The following TTBK2 variants were observed in gnomAD, a reference collection of about 807,000 sequenced individuals.
TTBK2 encodes tau-tubulin kinase 2.
Under a neutral mutation model 110.8 loss-of-function variants are expected in TTBK2, and 28 were observed. The observed-to-expected ratio is 0.25, with a 90% CI of 0.19 to 0.35. The LOEUF (loss-of-function observed/expected upper bound fraction) is 0.35, where lower values mean the gene tolerates loss of function less well. Ranked by LOEUF, TTBK2 falls within the 10% of genes least tolerant of loss-of-function variation. TTBK2 has a pLI of 1.00. For synonymous variants in TTBK2, 532 were observed against 527.3 expected (o/e 1.01, Z -0.12); for missense variants, 1,369 against 1,500.3 (o/e 0.91, Z 1.45).
At chr15:42,857,678 T>C (rs1595990626) in intron 3 of TTBK2, among the ~76,000 whole-genome samples, 1 of 152,116 alleles carries the variant, frequency 6.6e-6, no homozygotes, top group South Asian at 2.1e-4. Context: ...CCCTCAAATT[T>C]CCCTAATGCT....
chr15:42,806,625 T>G lies in TTBK2; in HGVS notation c.822+3989A>C, dbSNP rs192895389. Among the ~76,000 whole-genome samples the G allele has an allele frequency of 2.0e-4, 31 of 152,302 alleles. 1 individual carries two copies. On this transcript the variant is annotated intron_variant, in intron 9 of 14. Coordinates refer to ENST00000267890, the MANE Select transcript of TTBK2 (RefSeq NM_173500.4). ...CAGTCCTTTCTCCCATTAGGGCCCA[T>G]GCATGTACATGTTCTTCCCTTGGCT...
At chr15:42,862,948 C>A (rs1894218616) in intron 3 of TTBK2, among the ~76,000 whole-genome samples, 1 of 152,132 alleles carries the variant, frequency 6.6e-6, no homozygotes, top group South Asian at 2.1e-4. Flanking sequence ...GACAAACCCA[C>A]AGCCAACATC....
chr15:42,775,584 T>C lies in TTBK2; in HGVS notation c.1549A>G (p.Lys517Glu), dbSNP rs1489842300. Residue 517 changes from lysine to glutamate, a missense_variant, in exon 13 of 15, where the codon AAG (lysine) becomes GAG (glutamate). Transcript: ENST00000267890. The stretch of plus-strand genomic sequence containing the variant: ...TCAGGGGTGTTGGCAGAAGCAGGCT[T>C]GGAGGCATCTGGAAGATATTCTTCA... ...YDEEYLPDASKPASANTPEQA... is the reference protein window; with the variant it reads ...YDEEYLPDASEPASANTPEQA... 1.2e-6 allele frequency: 2 copies of C among 1,614,142 alleles called. No individual in the cohort carries two copies. The highest frequency in any genetic ancestry group is 1.7e-6 in the Non-Finnish European group (2 of 1,180,014).
chr15:42,788,510 G>A (rs1359782528), intron 10 of TTBK2, among the ~76,000 whole-genome samples: 3 of 152,144 alleles, frequency 2.0e-5, no homozygotes, highest in Non-Finnish European at 4.4e-5. Context: ...AACTATGAGT[G>A]TGTTTTTATG....
intron 1 of TTBK2, among the ~76,000 whole-genome samples, chr15:42,891,727 T>C (rs1258933174): frequency 1.3e-5 from 2 of 152,120 alleles, no homozygotes; most frequent in Non-Finnish European, 2.9e-5. Context: ...TAATTTTAAG[T>C]ATAGCACTTT....
intron 13 of TTBK2, among the ~76,000 whole-genome samples, chr15:42,769,863 T>A (rs1200328017): frequency 1.3e-5 from 2 of 152,148 alleles, no homozygotes; most frequent in Non-Finnish European, 2.9e-5. Flanking sequence ...CAAATGTCCA[T>A]CAATGATAGA....
At chr15:42,795,480 C>T (rs1890896066) in intron 9 of TTBK2, among the ~76,000 whole-genome samples, 1 of 152,020 alleles carries the variant, frequency 6.6e-6, no homozygotes, top group East Asian at 1.9e-4. Flanking sequence ...GCAACATTTC[C>T]AATTTTATGA....
intron 9 of TTBK2, among the ~76,000 whole-genome samples, chr15:42,803,759 G>A (rs1595928636): frequency 6.6e-6 from 1 of 152,066 alleles, no homozygotes. Flanking sequence ...GGCAGGGTGC[G>A]GTGGCTCACA....
rs190779787 is a variant in TTBK2 at position 42,885,334 on chromosome 15, C to A, written c.-67-6650G>T. ...TCTCACCGATTTTAAATCGGGTAAGCAGCCCTTTTTACTCTCCAACCTCTC... is the reference window on the plus strand; with the variant it reads ...TCTCACCGATTTTAAATCGGGTAAGAAGCCCTTTTTACTCTCCAACCTCTC... On this transcript the variant is annotated intron_variant, in intron 1 of 14. Transcript: ENST00000267890. Among the ~76,000 whole-genome samples, 63 of 152,344 alleles carry A rather than the reference C, an allele frequency of 4.1e-4. 1 individual carries two copies. The South Asian group carries it at 5.4e-3, about 13-fold the overall frequency.
chr15:42,756,223 A>C (rs2061944272), intron 13 of TTBK2, among the ~76,000 whole-genome samples: 1 of 151,956 alleles, frequency 6.6e-6, no homozygotes, highest in African/African-American at 2.4e-5. Context: ...AAACAAAAAA[A>C]ACCAGTCACC....
At chr15:42,750,878 A>ACT (rs1246202145) in intron 14 of TTBK2, among the ~76,000 whole-genome samples, 6 of 152,148 alleles carry the variant, frequency 3.9e-5, no homozygotes, top group African/African-American at 1.2e-4. Context: ...TTATCAGAAC[A>ACT]CTTCTCATCA....
intron 3 of TTBK2, among the ~76,000 whole-genome samples, chr15:42,860,751 C>T (rs1347682548): frequency 4.0e-5 from 6 of 150,984 alleles, no homozygotes; most frequent in Non-Finnish European, 8.8e-5. Context: ...CTGCAACCTC[C>T]GCTTCCCAGG....
At chr15:42,854,640 T>C (rs1395720563) in intron 3 of TTBK2, among the ~76,000 whole-genome samples, 3 of 148,602 alleles carry the variant, frequency 2.0e-5, no homozygotes, top group African/African-American at 5.0e-5. Flanking sequence ...CCAACCTATA[T>C]GCAAGAGAAA....
rs1267957266 is a variant in TTBK2, at chr15:42,763,151, TATATAC to T, written c.1999-9910_1999-9905del. Among the ~76,000 whole-genome samples the T allele has an allele frequency of 6.8e-4, 41 of 60,404 alleles. 1 individual carries two copies. Among genetic ancestry groups the T allele is most frequent in the African/African-American group, 3.2e-3 (28 of 8,678 alleles). The allele number at this position is 60,404 out of a possible 152,430, so 39.6% of individuals were successfully genotyped here. A position where few individuals can be genotyped will look rare whatever the true frequency, so the allele number is the denominator to read the frequency against. On this transcript the variant is annotated intron_variant, in intron 13 of 14. Coordinates refer to ENST00000267890, the MANE Select transcript of TTBK2 (RefSeq NM_173500.4). ...ATATACATATATACATACATATATA[TATATAC>T]ATATATATATATATATATATATATA...
intron 2 of TTBK2, among the ~76,000 whole-genome samples, chr15:42,876,700 G>A (rs1239144034): frequency 6.6e-6 from 1 of 152,056 alleles, no homozygotes. Flanking sequence ...AAAAACTTTG[G>A]TGGACTGTGT....
intron 10 of TTBK2, among the ~76,000 whole-genome samples, chr15:42,786,287 GCTA>G (rs988338059): frequency 2.9e-4 from 44 of 152,022 alleles, no homozygotes; most frequent in African/African-American, 9.7e-4. Context: ...AAATAAACTG[GCTA>G]CTAACAGATT....
chr15:42,771,084 T>C (rs1889650289), intron 13 of TTBK2, among the ~76,000 whole-genome samples: 1 of 151,950 alleles, frequency 6.6e-6, no homozygotes, highest in Non-Finnish European at 1.5e-5. Flanking sequence ...TAAGCAATTC[T>C]CTGCCTCAGC....
intron 3 of TTBK2, among the ~76,000 whole-genome samples, chr15:42,851,700 G>A (rs1567059943): frequency 6.6e-6 from 1 of 151,636 alleles, no homozygotes; most frequent in African/African-American, 2.4e-5. Context: ...GTATATATGT[G>A]TATATATATA....
chr15:42,795,624 G>A (rs1425273743), intron 9 of TTBK2, among the ~76,000 whole-genome samples: 1 of 151,864 alleles, frequency 6.6e-6, no homozygotes. Flanking sequence ...GTCTGATTTA[G>A]GCTTTAAAAA....
Sources: gnomAD v4.1 joint callset for allele counts (sites outside exome capture counted in the v4.1 genomes callset) on GRCh38, gnomAD v4.1.1 for gene constraint, MANE v1.5 for transcripts, NCBI Gene and HGNC (gene_info 2026-07-23, HGNC 2026-07-21) for gene names.